FRAS1: variants seen among roughly 807,000 people sequenced by gnomAD.
The protein encoded by FRAS1 is Fraser extracellular matrix complex subunit 1.
FRAS1 carries 290 observed loss-of-function variants against 435.2 expected under a neutral mutation model. The ratio of observed to expected loss-of-function variants is 0.67; its 90% CI spans 0.61 to 0.73. The LOEUF (loss-of-function observed/expected upper bound fraction) is 0.73. FRAS1 is among the 30% of genes least tolerant of loss of function. The pLI is 0.00. For missense variants in FRAS1, 4,860 were observed against 5,001.5 expected, an observed-to-expected ratio of 0.97 and a Z score of 0.85; for synonymous variants, 1,800 against 1,851.0, an observed-to-expected ratio of 0.97 and a Z score of 0.71.
At chr4:78,084,606 T>C in intron 2 of FRAS1, among the ~76,000 whole-genome samples, 1 of 152,128 alleles carries the variant, frequency 6.6e-6, no homozygotes, top group East Asian at 1.9e-4. Context: ...CTCTTTAAGT[T>C]TGCTGTTGAG....
intron 38 of FRAS1, among the ~76,000 whole-genome samples, chr4:78,438,245 G>A (rs966271463): frequency 6.6e-6 from 1 of 152,084 alleles, no homozygotes; most frequent in South Asian, 2.1e-4. Context: ...TTTACTAAAA[G>A]CTTAAAAATG....
At chr4:78,466,810 G>A (rs546030769) in intron 50 of FRAS1, among the ~76,000 whole-genome samples, 33 of 152,124 alleles carry the variant, frequency 2.2e-4, no homozygotes, top group Non-Finnish European at 4.6e-4. Flanking sequence ...TATATCTCTA[G>A]ATTGTTTTTC....
intron 2 of FRAS1, chr4:78,181,521 C>T: frequency 9.9e-6 from 16 of 1,611,610 alleles, no homozygotes; most frequent in Non-Finnish European, 1.4e-5. Flanking sequence ...ATTCCACGTC[C>T]ACGGCCCCCT....
At chr4:78,212,293 G>A (rs1169470133) in intron 2 of FRAS1, among the ~76,000 whole-genome samples, 1 of 152,114 alleles carries the variant, frequency 6.6e-6, no homozygotes, top group Non-Finnish European at 1.5e-5. Flanking sequence ...CCTTCCTCTT[G>A]CATTCGCTGC....
intron 68 of FRAS1, 123 bp downstream of exon 68, chr4:78,521,753 A>G: frequency 1.7e-6 from 1 of 603,366 alleles, no homozygotes; most frequent in Admixed American, 3.1e-5. Context: ...CTATACATCC[A>G]TGTGCACATA....
chr4:78,278,093 C>G (rs904683889), intron 9 of FRAS1, among the ~76,000 whole-genome samples: 3 of 152,232 alleles, frequency 2.0e-5, no homozygotes, highest in Non-Finnish European at 4.4e-5. Context: ...TCCACCACGA[C>G]TGGCCATCCT....
chr4:78,513,796 CT>C (rs1416825979), intron 65 of FRAS1, among the ~76,000 whole-genome samples: 3 of 152,174 alleles, frequency 2.0e-5, no homozygotes, highest in Non-Finnish European at 2.9e-5. Context: ...ATAGTTTGAC[CT>C]TTCTGAGCCA....
chr4:78,531,772 A>G (rs892212047), intron 70 of FRAS1, among the ~76,000 whole-genome samples: 1 of 152,108 alleles, frequency 6.6e-6, no homozygotes, highest in Admixed American at 6.6e-5. Context: ...TGTACCCCAT[A>G]TGGCCCACAA....
intron 2 of FRAS1, among the ~76,000 whole-genome samples, chr4:78,205,254 TG>T (rs1217760618): frequency 6.6e-6 from 1 of 150,670 alleles, no homozygotes; most frequent in Non-Finnish European, 1.5e-5. Flanking sequence ...CAGGCTGGAG[TG>T]CAGTGCTGTG....
chr4:78,375,739 C>G lies in FRAS1; in HGVS notation c.3152C>G (p.Ala1051Gly), dbSNP rs1171023180. Residue 1051 changes from alanine (A) to glycine (G), a missense_variant and splice_region_variant, in exon 26 of 74, where the codon GCC becomes GGC. Ala to Gly is a moderately conservative substitution (Grantham distance 60). Transcript: ENST00000512123. Reference sequence around the variant, plus strand: ...CATTTAGTGTTTCCTTTTTTAATAGCCTGCCCTCAGGGGTGCTTGCAGTGC... The same window carrying G: ...CATTTAGTGTTTCCTTTTTTAATAGGCTGCCCTCAGGGGTGCTTGCAGTGC... ...FADHAKHKCT[A>G]CPQGCLQCSH... The G allele has an allele frequency of 6.3e-7, 1 of 1,578,668 alleles. No individual in the cohort carries two copies. The highest frequency in any genetic ancestry group is 2.3e-5 in the East Asian group (1 of 44,032).
In FRAS1 at chr4:78,387,649, A is replaced by G. The variant is rs746971223; in HGVS notation, c.3923A>G (p.Asn1308Ser). Reference sequence around the variant, plus strand: ...TCCGATGTTGCAGTCTTGCAGGCCAATGATGGACACTCCTTCCATAATATA... The same window carrying G: ...TCCGATGTTGCAGTCTTGCAGGCCAGTGATGGACACTCCTTCCATAATATA... ...STSDVAVLQA[N>S]DGHSFHNILF... is the part of the protein sequence containing the mutation. The change falls in exon 29 of 74, where the codon AAT (asparagine) becomes AGT (serine). Residue 1308 changes from asparagine to serine, a missense_variant. Coordinates refer to ENST00000512123, the MANE Select transcript of FRAS1 (RefSeq NM_025074.7). The G allele has an allele frequency of 1.1e-5, 18 of 1,601,050 alleles. No homozygotes were observed. The South Asian group carries it at 1.5e-4, about 13-fold the overall frequency.
intron 70 of FRAS1, among the ~76,000 whole-genome samples, chr4:78,530,464 G>T (rs1374477413): frequency 6.6e-6 from 1 of 152,098 alleles, no homozygotes; most frequent in Non-Finnish European, 1.5e-5. Flanking sequence ...ATGTGGATGC[G>T]ATAGAACTAC....
chr4:78,522,614 A>G (rs1721419555), intron 68 of FRAS1, 35 bp from the exon 69 acceptor site: 3 of 1,548,422 alleles, frequency 1.9e-6, no homozygotes, highest in Non-Finnish European at 2.6e-6. Context: ...CTCTACCACA[A>G]GTACATTAAA....
chr4:78,477,400 A>G (rs1216580542), intron 54 of FRAS1, among the ~76,000 whole-genome samples: 1 of 152,196 alleles, frequency 6.6e-6, no homozygotes, highest in African/African-American at 2.4e-5. Flanking sequence ...TCATAACCTA[A>G]TACAGCTTGG....
intron 20 of FRAS1, among the ~76,000 whole-genome samples, chr4:78,354,102 G>A (rs1384663873): frequency 6.6e-6 from 1 of 151,362 alleles, no homozygotes; most frequent in Non-Finnish European, 1.5e-5. Flanking sequence ...GTGCAAGCTG[G>A]CACCAAAACC....
chr4:78,406,546 T>A lies in FRAS1; in HGVS notation c.4130-1117T>A, dbSNP rs143391804. ...CTTATTTATTATCAGGAGAATAGCATGGGAAAGACCGGCCCCTATGATTCA... is the reference window on the plus strand; with the variant it reads ...CTTATTTATTATCAGGAGAATAGCAAGGGAAAGACCGGCCCCTATGATTCA... On this transcript the variant is annotated intron_variant, in intron 30 of 73. Transcript: ENST00000512123. Among the ~76,000 whole-genome samples, 1,470 of 152,178 alleles carry A rather than the reference T, an allele frequency of 9.7e-3. 17 individuals carry two copies. Among genetic ancestry groups the A allele is most frequent in the African/African-American group, 0.034 (1,405 of 41,500 alleles).
At chr4:78,500,029 C>G (rs1033395255) in intron 61 of FRAS1, 108 bp downstream of exon 61, 1 of 848,494 alleles carries the variant, frequency 1.2e-6, no homozygotes, top group Non-Finnish European at 1.7e-6. Flanking sequence ...AACAGTAGTT[C>G]CAATAGCTAA....
intron 9 of FRAS1, among the ~76,000 whole-genome samples, chr4:78,276,358 G>C (rs577313609): frequency 6.6e-6 from 1 of 152,346 alleles, no homozygotes; most frequent in South Asian, 2.1e-4. Flanking sequence ...TTGCTGGCGA[G>C]GAGCTGTGTT....
At chr4:78,315,343 C>T (rs892837009) in intron 15 of FRAS1, among the ~76,000 whole-genome samples, 6 of 152,206 alleles carry the variant, frequency 3.9e-5, no homozygotes, top group East Asian at 1.9e-4. Flanking sequence ...AAGTTGGTTA[C>T]ACTGGTGGGT....
Sources: allele counts gnomAD v4.1 joint callset (sites outside exome capture counted in the v4.1 genomes callset), GRCh38; gene constraint gnomAD v4.1.1; transcripts MANE v1.5; gene names NCBI Gene and HGNC (gene_info 2026-07-23, HGNC 2026-07-21).